Variants in NRF1 observed in about 807,000 individuals in gnomAD.
The protein encoded by NRF1 is nuclear respiratory factor 1, also known as alpha palindromic-binding protein.
In NRF1, 5 loss-of-function variants were observed where a neutral mutation model predicts 58.5. The observed-to-expected ratio is 0.09, with a 90% CI of 0.04 to 0.18. The LOEUF is 0.18. Ranked by LOEUF, NRF1 falls within the 10% of genes least tolerant of loss-of-function variation. The probability of loss-of-function intolerance (pLI) is 1.00; values close to 1 mark genes in which losing one functional copy is unlikely to be tolerated. For synonymous variants in NRF1, 224 were observed against 246.7 expected, an observed-to-expected ratio of 0.91 and a Z score of 0.86; for missense variants, 288 against 657.7, an observed-to-expected ratio of 0.44 and a Z score of 6.15.
chr7:129,628,324 C>G (rs1430482418), intron 1 of NRF1, among the ~76,000 whole-genome samples: 1 of 151,136 alleles, frequency 6.6e-6, no homozygotes, highest in African/African-American at 2.4e-5. Context: ...CTCTCCTGAC[C>G]CTTTTACTCT....
chr7:129,754,294 CAA>C (rs570036468), intron 10 of NRF1, among the ~76,000 whole-genome samples: 5 of 137,118 alleles, frequency 3.6e-5, no homozygotes, highest in Admixed American at 7.3e-5. Context: ...GACTCCATCT[CAA>C]AAAAAAAAAA....
chr7:129,743,570 CA>C (rs1409564036), intron 10 of NRF1, among the ~76,000 whole-genome samples: 3 of 152,224 alleles, frequency 2.0e-5, no homozygotes, highest in African/African-American at 7.2e-5. Context: ...AATACTACTT[CA>C]AATTTAGACA....
intron 2 of NRF1, among the ~76,000 whole-genome samples, chr7:129,660,941 G>A (rs1214199858): frequency 2.0e-5 from 3 of 151,234 alleles, no homozygotes; most frequent in Non-Finnish European, 2.9e-5. Flanking sequence ...TCCCGCCCCT[G>A]CAGCAAACTT....
At chr7:129,695,204 G>A (rs1231378795) in intron 5 of NRF1, among the ~76,000 whole-genome samples, 1 of 151,988 alleles carries the variant, frequency 6.6e-6, no homozygotes, top group Non-Finnish European at 1.5e-5. Flanking sequence ...GAATTGAGCT[G>A]ATTTATCTCA....
At chr7:129,640,570 T>G (rs999143298) in intron 1 of NRF1, among the ~76,000 whole-genome samples, 6 of 152,002 alleles carry the variant, frequency 3.9e-5, no homozygotes, top group African/African-American at 1.4e-4. Flanking sequence ...GGCTTGAAGA[T>G]TAATTAATTA....
At chr7:129,663,727 C>T (rs529179862) in intron 2 of NRF1, among the ~76,000 whole-genome samples, 6 of 151,966 alleles carry the variant, frequency 3.9e-5, no homozygotes, top group African/African-American at 1.4e-4. Context: ...GACGGGGTGG[C>T]GGGCGGGCAG....
chr7:129,640,219 T>G (rs1304373180), intron 1 of NRF1, among the ~76,000 whole-genome samples: 1 of 152,152 alleles, frequency 6.6e-6, no homozygotes, highest in Non-Finnish European at 1.5e-5. Flanking sequence ...CATACCGTTT[T>G]ATAATACAAA....
chr7:129,657,643 T>G, intron 2 of NRF1, 69 bp downstream of exon 2: 1 of 1,019,738 alleles, frequency 9.8e-7, no homozygotes, highest in Admixed American at 2.6e-5. Context: ...AGCGTCTCAC[T>G]CTGTTGCTCA....
At chr7:129,653,616 T>A (rs1801586142) in intron 1 of NRF1, among the ~76,000 whole-genome samples, 1 of 152,236 alleles carries the variant, frequency 6.6e-6, no homozygotes, top group Non-Finnish European at 1.5e-5. Flanking sequence ...TTCACTGCCC[T>A]GAAAATGCTC....
rs199945725 is a variant in NRF1, at chr7:129,619,459, C to CGTGT, written c.-7+7664_-7+7667dup. ...ACACACACACACACATATATATACA[C>CGTGT]GTGTGTGTGTGTGTGTGTGTGTGTG... On this transcript the variant is annotated intron_variant, in intron 1 of 10. Coordinates refer to ENST00000393232, the MANE Select transcript of NRF1 (RefSeq NM_005011.5). Among the ~76,000 whole-genome samples, 18 of 61,158 alleles carry CGTGT rather than the reference C, an allele frequency of 2.9e-4. 1 individual carries two copies. Among genetic ancestry groups the CGTGT allele is most frequent in the African/African-American group, 1.3e-3 (18 of 13,382 alleles). 40.1% of individuals were successfully genotyped at this position (61,158 alleles called of 152,430 possible). A position where few individuals can be genotyped will look rare whatever the true frequency, so the allele number is the denominator to read the frequency against.
chr7:129,745,188 C>G (rs1295135907), intron 10 of NRF1, among the ~76,000 whole-genome samples: 4 of 152,138 alleles, frequency 2.6e-5, no homozygotes. Flanking sequence ...TTGGTGCACT[C>G]TGCATATTGC....
At chr7:129,681,115 A>G (rs529509510) in intron 4 of NRF1, among the ~76,000 whole-genome samples, 25 of 152,192 alleles carry the variant, frequency 1.6e-4, no homozygotes, top group Non-Finnish European at 3.2e-4. Flanking sequence ...AAGCAAAGGG[A>G]GATTGGCATA....
At chr7:129,682,465 A>G (rs941364199) in intron 4 of NRF1, among the ~76,000 whole-genome samples, 3 of 151,836 alleles carry the variant, frequency 2.0e-5, no homozygotes, top group Admixed American at 2.0e-4. Context: ...CCCAAAGGAA[A>G]AAAAAAACAA....
At chr7:129,753,882 A>T (rs1224177197) in intron 10 of NRF1, among the ~76,000 whole-genome samples, 1 of 152,224 alleles carries the variant, frequency 6.6e-6, no homozygotes, top group Non-Finnish European at 1.5e-5. Context: ...CAGTGGCCAG[A>T]AGACAGGATA....
chr7:129,656,146 A>G (rs1337776055), intron 1 of NRF1, among the ~76,000 whole-genome samples: 1 of 151,998 alleles, frequency 6.6e-6, no homozygotes, highest in Non-Finnish European at 1.5e-5. Flanking sequence ...ACTAATATGT[A>G]AAGTTTTATA....
rs540851091 is a variant in NRF1, at chr7:129,710,638, C to T, written c.963+67C>T. On this transcript the variant is annotated intron_variant, in intron 7 of 10. Transcript: ENST00000393232. ...GGATCAGTGGGCACCTCACCTCAGA[C>T]TAGGGAAAGTTTCCTTTGTGCGAAC... 4.8e-6 allele frequency: 4 copies of T among 829,566 alleles called. No homozygotes were observed. The South Asian group carries it at 5.4e-5, about 11-fold the overall frequency. The allele number at this position is 829,566 out of a possible 1,614,324, so 51.4% of individuals were successfully genotyped here.
intron 10 of NRF1, among the ~76,000 whole-genome samples, chr7:129,731,997 A>G (rs1458271873): frequency 6.6e-6 from 1 of 152,092 alleles, no homozygotes. Context: ...AGTTCAGCCC[A>G]TTTGTTTTTC....
intron 1 of NRF1, among the ~76,000 whole-genome samples, chr7:129,636,753 G>A (rs1174367134): frequency 6.6e-6 from 1 of 152,110 alleles, no homozygotes; most frequent in Non-Finnish European, 1.5e-5. Flanking sequence ...ATTCTAGTTT[G>A]TGTTGCTTCG....
chr7:129,718,346 T>C (rs1216530040), intron 9 of NRF1, among the ~76,000 whole-genome samples: 1 of 152,222 alleles, frequency 6.6e-6, no homozygotes, highest in African/African-American at 2.4e-5. Flanking sequence ...AGCCAGGCTC[T>C]CCTATTCTGT....
Sources: allele counts gnomAD v4.1 joint callset (sites outside exome capture counted in the v4.1 genomes callset), GRCh38; gene constraint gnomAD v4.1.1; transcripts MANE v1.5; gene names NCBI Gene and HGNC (gene_info 2026-07-23, HGNC 2026-07-21).